Variants in CDH12 observed in about 807,000 individuals in gnomAD.
CDH12 encodes cadherin-12.
Under a neutral mutation model 74.1 loss-of-function variants are expected in CDH12, and 41 were observed. The observed-to-expected ratio is 0.55, with a 90% confidence interval of 0.43 to 0.72. The LOEUF is 0.72. Ranked by LOEUF, CDH12 falls within the 30% of genes least tolerant of loss-of-function variation. The probability of loss-of-function intolerance (pLI) is 0.00; values close to 1 mark genes in which losing one functional copy is unlikely to be tolerated. For synonymous variants in CDH12, 399 were observed against 355.0 expected (o/e 1.12, Z -1.39); for missense variants, 945 against 977.2 (o/e 0.97, Z 0.44).
intron 7 of CDH12, among the ~76,000 whole-genome samples, chr5:21,845,031 A>ATAGATAGAT (rs148789214): frequency 1.4e-4 from 21 of 149,888 alleles, no homozygotes; most frequent in African/African-American, 4.3e-4. Context: ...AGATAGATAG[A>ATAGATAGAT]TAGATTAGAT....
At chr5:21,824,400 T>TG (rs1305720180) in intron 8 of CDH12, among the ~76,000 whole-genome samples, 2 of 152,106 alleles carry the variant, frequency 1.3e-5, no homozygotes, top group Non-Finnish European at 2.9e-5. Context: ...TCTGCTTTGA[T>TG]GGACTATGAC....
chr5:22,021,487 A>T (rs76060761), intron 5 of CDH12, among the ~76,000 whole-genome samples: 3,909 of 152,236 alleles, frequency 0.026, 167 homozygotes, highest in African/African-American at 0.089. Flanking sequence ...ACAAATTGAT[A>T]TTACACGGTA....
At chr5:22,020,333 C>A (rs1047964775) in intron 5 of CDH12, among the ~76,000 whole-genome samples, 1 of 151,944 alleles carries the variant, frequency 6.6e-6, no homozygotes, top group African/African-American at 2.4e-5. Flanking sequence ...GCGGGCAGAT[C>A]GCCTGAGGTC....
intron 1 of CDH12, among the ~76,000 whole-genome samples, chr5:22,681,278 C>A (rs1356914264): frequency 1.4e-5 from 2 of 144,048 alleles, no homozygotes; most frequent in Admixed American, 6.9e-5. Flanking sequence ...AGATAAGTGC[C>A]CAGGAGCAGT....
chr5:22,627,305 G>A (rs781593228), intron 1 of CDH12, among the ~76,000 whole-genome samples: 9 of 151,890 alleles, frequency 5.9e-5, no homozygotes, highest in East Asian at 5.8e-4. Context: ...CTCCAAGGTC[G>A]ATATAAAAGA....
chr5:22,461,242 G>T (rs1437190618), intron 2 of CDH12, among the ~76,000 whole-genome samples: 1 of 151,616 alleles, frequency 6.6e-6, no homozygotes, highest in Admixed American at 6.6e-5. Context: ...TGGCCAGGGT[G>T]GTCTCGAACT....
chr5:22,838,093 A>T (rs1736913486), intron 1 of CDH12, among the ~76,000 whole-genome samples: 1 of 152,206 alleles, frequency 6.6e-6, no homozygotes, highest in African/African-American at 2.4e-5. Flanking sequence ...CAGAGGGGGC[A>T]AGTGGGCCCA....
intron 6 of CDH12, among the ~76,000 whole-genome samples, chr5:21,913,314 G>A: frequency 6.6e-6 from 1 of 152,088 alleles, no homozygotes; most frequent in Non-Finnish European, 1.5e-5. Flanking sequence ...ACATATTTAA[G>A]CCATTACAAT....
At chr5:22,315,980 A>T (rs571262784) in intron 3 of CDH12, among the ~76,000 whole-genome samples, 1 of 152,162 alleles carries the variant, frequency 6.6e-6, no homozygotes, top group East Asian at 1.9e-4. Context: ...AAGATCAGCC[A>T]GCTAACGGGA....
intron 1 of CDH12, among the ~76,000 whole-genome samples, chr5:22,586,006 A>C (rs1740379014): frequency 6.6e-6 from 1 of 152,140 alleles, no homozygotes; most frequent in African/African-American, 2.4e-5. Context: ...ACCCAAAGGA[A>C]TATATATCAT....
rs538132460 is a variant in CDH12 at position 22,685,755 on chromosome 5, C to A, written c.-523+167303G>T. Among the ~76,000 whole-genome samples, 13 of 152,286 alleles carry A rather than the reference C, an allele frequency of 8.5e-5. 1 individual carries two copies. In the East Asian group the frequency reaches 1.7e-3, roughly 20 times the overall value. ...TTTCTTTTTTATTGCCAAATAACAT[C>A]TAATTTTGTGGATAGAACACATCGT... On this transcript the variant is annotated intron_variant, in intron 1 of 14. Coordinates refer to ENST00000382254, the MANE Select transcript of CDH12 (RefSeq NM_004061.5).
intron 3 of CDH12, among the ~76,000 whole-genome samples, chr5:22,304,086 G>A (rs1409117201): frequency 6.6e-6 from 1 of 151,920 alleles, no homozygotes; most frequent in African/African-American, 2.4e-5. Flanking sequence ...TTTCTGTCAG[G>A]TCACATATTA....
intron 3 of CDH12, among the ~76,000 whole-genome samples, chr5:22,318,810 T>C (rs1738739064): frequency 6.6e-6 from 1 of 152,220 alleles, no homozygotes; most frequent in Non-Finnish European, 1.5e-5. Context: ...GTTGAGACTA[T>C]TTTAATCATT....
At chr5:22,412,634 CTG>C (rs1743211438) in intron 2 of CDH12, among the ~76,000 whole-genome samples, 1 of 151,718 alleles carries the variant, frequency 6.6e-6, no homozygotes, top group Non-Finnish European at 1.5e-5. Flanking sequence ...GAGGAGGAAA[CTG>C]TGGCAGAGTT....
chr5:22,724,995 A>C (rs1232728554), intron 1 of CDH12, among the ~76,000 whole-genome samples: 4 of 151,890 alleles, frequency 2.6e-5, no homozygotes, highest in South Asian at 2.1e-4. Context: ...AAATATTATC[A>C]ACTTAATTTT....
intron 1 of CDH12, among the ~76,000 whole-genome samples, chr5:22,565,695 A>G (rs16896912): frequency 0.056 from 8,523 of 152,186 alleles, 353 homozygotes; most frequent in East Asian, 0.19. Flanking sequence ...CAACATATTG[A>G]TTCAGTGCCT....
chr5:22,149,338 A>AGCACT (rs1365623322), intron 4 of CDH12, among the ~76,000 whole-genome samples: 1 of 152,214 alleles, frequency 6.6e-6, no homozygotes, highest in Non-Finnish European at 1.5e-5. Flanking sequence ...TACAGTATAC[A>AGCACT]GCACTAAACT....
At chr5:22,694,524 C>A (rs1742247396) in intron 1 of CDH12, among the ~76,000 whole-genome samples, 1 of 151,972 alleles carries the variant, frequency 6.6e-6, no homozygotes, top group East Asian at 1.9e-4. Flanking sequence ...TTTGTTTAGG[C>A]CACATTTGTT....
intron 4 of CDH12, among the ~76,000 whole-genome samples, chr5:22,178,320 C>T (rs1260846640): frequency 6.6e-6 from 1 of 152,018 alleles, no homozygotes; most frequent in Non-Finnish European, 1.5e-5. Context: ...TTAAAGCCTT[C>T]CTTGGGTTGT....
Sources: gnomAD v4.1 joint callset for allele counts (sites outside exome capture counted in the v4.1 genomes callset) on GRCh38, gnomAD v4.1.1 for gene constraint, MANE v1.5 for transcripts, NCBI Gene and HGNC (gene_info 2026-07-23, HGNC 2026-07-21) for gene names.